MEIS2: variants seen among roughly 807,000 people sequenced by gnomAD.
MEIS2 encodes the protein Meis homeobox 2.
A neutral mutation model predicts 58.6 loss-of-function variants in MEIS2; 9 were observed. The observed-to-expected ratio is 0.15, with a 90% CI of 0.09 to 0.27. The LOEUF (loss-of-function observed/expected upper bound fraction) is 0.27. Among genes scored for constraint, MEIS2 ranks in the 10% least tolerant of loss-of-function variants. The pLI is 1.00. For synonymous variants in MEIS2, 221 were observed against 228.4 expected (o/e 0.97, Z 0.29); for missense variants, 427 against 635.0 (o/e 0.67, Z 3.52).
chr15:37,026,312 G>A lies in MEIS2; in HGVS notation c.900+10502C>T, dbSNP rs117613445. Among the ~76,000 whole-genome samples the A allele has an allele frequency of 6.1e-4, 93 of 152,232 alleles. No homozygotes were observed. In the East Asian group the frequency reaches 0.01, roughly 16 times the overall value. On this transcript the variant is annotated intron_variant, in intron 8 of 11. Transcript: ENST00000561208. ...TACACTTGGGTTGTTTTTTGTCAGC[G>A]TACGATGGGATCACACCATGTATTC...
chr15:36,901,061 TC>T (rs1360532354), intron 9 of MEIS2: 1 of 152,270 alleles, frequency 6.6e-6, no homozygotes, highest in Non-Finnish European at 1.5e-5. Flanking sequence ...AATTGAAGAT[TC>T]TGCATGGATT....
intron 7 of MEIS2, chr15:37,066,272 A>T (rs538488020): frequency 6.6e-6 from 1 of 152,350 alleles, no homozygotes; most frequent in Admixed American, 6.5e-5. Flanking sequence ...GGTTGTAATA[A>T]AGAAATAATA....
At chr15:36,930,216 A>AAG in intron 9 of MEIS2, among the ~76,000 whole-genome samples, 1 of 151,130 alleles carries the variant, frequency 6.6e-6, no homozygotes, top group East Asian at 2.0e-4. Flanking sequence ...AAAAAAAAAA[A>AAG]AAAAGAGAGA....
chr15:36,898,727 G>C (rs979718415), intron 9 of MEIS2: 1 of 152,092 alleles, frequency 6.6e-6, no homozygotes, highest in Non-Finnish European at 1.5e-5. Context: ...AAATACTTAC[G>C]GGGAAGGTTA....
chr15:36,970,371 T>C (rs531946254), intron 8 of MEIS2, among the ~76,000 whole-genome samples: 3 of 149,090 alleles, frequency 2.0e-5, no homozygotes, highest in African/African-American at 7.5e-5. Context: ...GCCACTGCAC[T>C]CCAGCCTGGG....
At chr15:37,000,979 G>A (rs952386797) in intron 8 of MEIS2, among the ~76,000 whole-genome samples, 1 of 152,016 alleles carries the variant, frequency 6.6e-6, no homozygotes, top group Non-Finnish European at 1.5e-5. Context: ...TCTACAGACC[G>A]AAAGGTCACC....
chr15:36,942,807 T>C (rs898355394), intron 9 of MEIS2, among the ~76,000 whole-genome samples: 2 of 152,074 alleles, frequency 1.3e-5, no homozygotes, highest in Non-Finnish European at 2.9e-5. Context: ...TAAAAAGGAC[T>C]GAAGATTCAG....
intron 8 of MEIS2, among the ~76,000 whole-genome samples, chr15:37,028,904 C>T (rs2061803796): frequency 6.6e-6 from 1 of 151,936 alleles, no homozygotes; most frequent in African/African-American, 2.4e-5. Flanking sequence ...ATCTCCCATC[C>T]CCACCCCTCA....
chr15:37,037,539 GAA>G (rs34348481), intron 7 of MEIS2, among the ~76,000 whole-genome samples: 1 of 146,802 alleles, frequency 6.8e-6, no homozygotes. Context: ...TCATTATCAT[GAA>G]AAAAAAAAAG....
rs1301048671 is a variant in MEIS2, at chr15:37,098,116, C to T, written c.96G>A (p.Pro32=). Reference sequence around the variant, plus strand: ...GGTTCAGGTGGTGAACCGGGGGGATCGGCCGCGGCGCGTGAGGGTCTCCGT... The same window carrying T: ...GGTTCAGGTGGTGAACCGGGGGGATTGGCCGCGGCGCGTGAGGGTCTCCGT... ...SMYGDPHAPR[P]IPPVHHLNHG... is the part of the protein sequence containing the mutation. The change falls in exon 2 of 12, where the codon CCG becomes CCA. Residue 32 remains proline (P), a synonymous_variant. Coordinates refer to ENST00000561208, the MANE Select transcript of MEIS2 (RefSeq NM_170675.5). 62 of 1,613,240 alleles carry T rather than the reference C, an allele frequency of 3.8e-5. No individual in the cohort carries two copies. In the Admixed American group the frequency reaches 1.0e-3, roughly 26 times the overall value.
chr15:37,051,983 A>AC (rs1423436814), intron 7 of MEIS2, among the ~76,000 whole-genome samples: 9 of 151,988 alleles, frequency 5.9e-5, no homozygotes, highest in Non-Finnish European at 1.0e-4. Context: ...AGTTGCAAAA[A>AC]AAAAATACCG....
intron 5 of MEIS2, 103 bp from the exon 6 acceptor site, chr15:37,093,833 C>G (rs1596126392): frequency 1.4e-6 from 2 of 1,457,162 alleles, no homozygotes; most frequent in East Asian, 4.6e-5. Context: ...GTTACATTTG[C>G]AAAGAGCAAC....
Position 37,099,660 on chromosome 15 carries a change from T to C in MEIS2, c.-194A>G. ...CAACGAAGAATTTTTTTTTCTGTGA[T>C]ATTTCTTCTTTTTCTCTTTTTTCCT... On this transcript the variant is annotated 5_prime_UTR_variant, in exon 1 of 12. In the 5' UTR this introduces an upstream ATG that the reference lacks. Transcript: ENST00000561208. 1 of 669,262 alleles carries C rather than the reference T, an allele frequency of 1.5e-6. No individual in the cohort carries two copies. Among genetic ancestry groups the C allele is most frequent in the Non-Finnish European group, 2.4e-6 (1 of 422,576 alleles). 41.5% of individuals were successfully genotyped at this position (669,262 alleles called of 1,614,324 possible). A position where few individuals can be genotyped will look rare whatever the true frequency, so the allele number is the denominator to read the frequency against.
At chr15:37,017,666 A>G (rs973300550) in intron 8 of MEIS2, among the ~76,000 whole-genome samples, 2 of 152,186 alleles carry the variant, frequency 1.3e-5, no homozygotes, top group Admixed American at 6.5e-5. Context: ...CTAAAAAAAG[A>G]AAAATACCGC....
intron 9 of MEIS2, among the ~76,000 whole-genome samples, chr15:36,937,062 A>G (rs547750493): frequency 6.6e-6 from 1 of 152,334 alleles, no homozygotes; most frequent in Admixed American, 6.5e-5. Context: ...CTTAGGAAAT[A>G]GATTGTTTAG....
rs142122600 is a variant in MEIS2 at position 37,075,500 on chromosome 15, A to G, written c.754+8271T>C. ...TGGAATATATCCATACGTTCCAAAGAGTTCATTTATGTTCAGGCACACATC... is the reference window on the plus strand; with the variant it reads ...TGGAATATATCCATACGTTCCAAAGGGTTCATTTATGTTCAGGCACACATC... On this transcript the variant is annotated intron_variant, in intron 7 of 11. Transcript: ENST00000561208. Among the ~76,000 whole-genome samples the G allele has an allele frequency of 1.6e-3, 250 of 152,238 alleles. 1 individual carries two copies. Among genetic ancestry groups the G allele is most frequent in the African/African-American group, 5.8e-3 (243 of 41,554 alleles).
intron 7 of MEIS2, among the ~76,000 whole-genome samples, chr15:37,062,139 A>G (rs560123315): frequency 6.6e-6 from 1 of 152,232 alleles, no homozygotes; most frequent in South Asian, 2.1e-4. Flanking sequence ...GTGCCCAGGT[A>G]AGGCAGTGTG....
chr15:36,910,581 T>TA (rs2056962305), intron 9 of MEIS2, among the ~76,000 whole-genome samples: 1 of 152,160 alleles, frequency 6.6e-6, no homozygotes. Context: ...TTTATCAACT[T>TA]AAAAATAGGC....
intron 8 of MEIS2, among the ~76,000 whole-genome samples, chr15:36,951,146 A>G (rs2058737083): frequency 6.6e-6 from 1 of 152,164 alleles, no homozygotes; most frequent in Non-Finnish European, 1.5e-5. Context: ...CTAATTCTTC[A>G]CTTCCTATCG....
Sources: allele counts gnomAD v4.1 joint callset (sites outside exome capture counted in the v4.1 genomes callset), GRCh38; gene constraint gnomAD v4.1.1; transcripts MANE v1.5; gene names NCBI Gene and HGNC (gene_info 2026-07-23, HGNC 2026-07-21).